The following TMEM182 variants were observed in gnomAD, a reference collection of about 807,000 sequenced individuals.
TMEM182 encodes the protein transmembrane protein 182.
In TMEM182, 20 loss-of-function variants were observed where a neutral mutation model predicts 26.8. The ratio of observed to expected loss-of-function variants is 0.75; its 90% CI spans 0.53 to 1.09. The LOEUF is 1.09. Ranked by LOEUF, TMEM182 falls within the 50% of genes least tolerant of loss-of-function variation. TMEM182 has a pLI of 0.00. For synonymous variants in TMEM182, 109 were observed against 102.2 expected (o/e 1.07, Z -0.40); for missense variants, 277 against 275.5 (o/e 1.01, Z -0.04).
intron 3 of TMEM182, among the ~76,000 whole-genome samples, chr2:102,787,450 A>G (rs1372261558): frequency 1.3e-5 from 2 of 152,122 alleles, no homozygotes; most frequent in East Asian, 3.8e-4. Context: ...ACCTCATCTA[A>G]ATTTATTTAC....
Position 102,815,019 on chromosome 2 carries a change from C to T in TMEM182, c.*51C>T, listed in dbSNP as rs762016914. The T allele has an allele frequency of 1.9e-6, 3 of 1,595,562 alleles. No homozygotes were observed. Among genetic ancestry groups the T allele is most frequent in the South Asian group, 1.1e-5 (1 of 88,384 alleles). On this transcript the variant is annotated 3_prime_UTR_variant, in exon 5 of 5. Transcript: ENST00000412401. ...TTGAGAGATTTTAAAACAAGGAATA[C>T]TTTTTTTCCATTTTGTTTCATTGAT...
chr2:102,833,949 A>T (rs1683195982), intron 3 of TMEM182, among the ~76,000 whole-genome samples: 2 of 152,200 alleles, frequency 1.3e-5, no homozygotes, highest in African/African-American at 2.4e-5. Flanking sequence ...GATTCTATTG[A>T]TTAAGATGAG....
chr2:102,794,750 A>G (rs1454629715), intron 3 of TMEM182, among the ~76,000 whole-genome samples: 1 of 151,838 alleles, frequency 6.6e-6, no homozygotes, highest in Non-Finnish European at 1.5e-5. Flanking sequence ...GTTTTTGGTA[A>G]TTTTATTATT....
rs753840754 is a variant in TMEM182, at chr2:102,817,094, A to T, written c.*2126A>T. The T allele has an allele frequency of 1.0e-6, 1 of 985,322 alleles. No individual in the cohort carries two copies. The highest frequency in any genetic ancestry group is 1.2e-6 in the Non-Finnish European group (1 of 829,938). 61.0% of individuals were successfully genotyped at this position (985,322 alleles called of 1,614,324 possible). The stretch of plus-strand genomic sequence containing the variant: ...ACATTTCTTGATCAATTTACCAGCA[A>T]CCCTCTGAAGGAATGAAGGAGAGTT... On this transcript the variant is annotated 3_prime_UTR_variant, in exon 5 of 5. Transcript: ENST00000412401.
intron 3 of TMEM182, among the ~76,000 whole-genome samples, chr2:102,840,951 T>G (rs1683338052): frequency 6.6e-6 from 1 of 152,226 alleles, no homozygotes; most frequent in Non-Finnish European, 1.5e-5. Context: ...TGCCGTTTAT[T>G]TCTAAAACAT....
intron 3 of TMEM182, among the ~76,000 whole-genome samples, chr2:102,842,033 A>G (rs1025673893): frequency 6.6e-6 from 1 of 152,182 alleles, no homozygotes; most frequent in Non-Finnish European, 1.5e-5. Flanking sequence ...AGATTTCATT[A>G]TCGTTCTAAT....
intron 1 of TMEM182, among the ~76,000 whole-genome samples, chr2:102,752,494 C>T (rs1233998670): frequency 1.3e-5 from 2 of 152,204 alleles, no homozygotes; most frequent in Non-Finnish European, 2.9e-5. Context: ...GAATCTGTGG[C>T]AGCACCTTCA....
In TMEM182 at chr2:102,815,474, C is replaced by A; in HGVS notation, c.*506C>A. 1 of 988,286 alleles carries A rather than the reference C, an allele frequency of 1.0e-6. No homozygotes were observed. The highest frequency in any genetic ancestry group is 1.2e-6 in the Non-Finnish European group (1 of 832,034). 61.2% of individuals were successfully genotyped at this position (988,286 alleles called of 1,614,324 possible). The stretch of plus-strand genomic sequence containing the variant: ...AGCAAATGAATTTAAAAATAGACAG[C>A]AGTTGTTCTAATTAGTGGGAGCCAT... On this transcript the variant is annotated 3_prime_UTR_variant, in exon 5 of 5. Coordinates refer to ENST00000412401, the MANE Select transcript of TMEM182 (RefSeq NM_144632.5).
intron 3 of TMEM182, among the ~76,000 whole-genome samples, chr2:102,830,787 G>T (rs1683135251): frequency 6.6e-6 from 1 of 152,002 alleles, no homozygotes; most frequent in African/African-American, 2.4e-5. Flanking sequence ...AGTAGGTCTT[G>T]TTCATTCTTT....
In TMEM182 at chr2:102,762,074, G is replaced by A; in HGVS notation, c.-144G>A. The A allele has an allele frequency of 4.3e-6, 3 of 693,852 alleles. No individual in the cohort carries two copies. The highest frequency in any genetic ancestry group is 3.0e-5 in the Admixed American group (1 of 33,272). 43.0% of individuals were successfully genotyped at this position (693,852 alleles called of 1,614,324 possible). ...TGAGCGAGAAGCCACCAAAACATGA[G>A]CTAGGACAGCCTTCTCAAGAAGATT... On this transcript the variant is annotated 5_prime_UTR_variant, in exon 1 of 5. Coordinates refer to ENST00000412401, the MANE Select transcript of TMEM182 (RefSeq NM_144632.5).
upstream of TMEM182, among the ~76,000 whole-genome samples, chr2:102,759,823 T>C (rs1335332384): frequency 6.6e-6 from 1 of 152,158 alleles, no homozygotes; most frequent in Non-Finnish European, 1.5e-5. Context: ...CTATATTCCT[T>C]GGCTTGTGGT....
At chr2:102,783,326 G>A (rs530352053) in intron 3 of TMEM182, among the ~76,000 whole-genome samples, 71 of 152,312 alleles carry the variant, frequency 4.7e-4, no homozygotes, top group African/African-American at 1.7e-3. Flanking sequence ...AATGTATGCA[G>A]TTCATTATCA....
chr2:102,738,725 C>A (rs987509503), intron 1 of TMEM182, among the ~76,000 whole-genome samples: 2 of 152,222 alleles, frequency 1.3e-5, no homozygotes, highest in Non-Finnish European at 2.9e-5. Context: ...AGGCAGAATT[C>A]ACTAGTATAG....
At chr2:102,841,539 C>A (rs905405815) in intron 3 of TMEM182, among the ~76,000 whole-genome samples, 2 of 152,186 alleles carry the variant, frequency 1.3e-5, no homozygotes, top group African/African-American at 2.4e-5. Flanking sequence ...ACAGGCTCCG[C>A]AGCAATGACA....
chr2:102,826,393 G>T (rs1320913006), intron 3 of TMEM182, among the ~76,000 whole-genome samples: 4 of 151,178 alleles, frequency 2.6e-5, no homozygotes, highest in Non-Finnish European at 5.9e-5. Context: ...GGTCCCTGGA[G>T]AGTGAGAGAT....
At chr2:102,841,906 GC>G (rs751082044) in intron 3 of TMEM182, among the ~76,000 whole-genome samples, 2 of 152,106 alleles carry the variant, frequency 1.3e-5, no homozygotes, top group Non-Finnish European at 2.9e-5. Context: ...ATAATTTAGA[GC>G]TCTGAGACTC....
chr2:102,813,780 A>G (rs1028123322), intron 4 of TMEM182, among the ~76,000 whole-genome samples: 1 of 152,102 alleles, frequency 6.6e-6, no homozygotes, highest in Non-Finnish European at 1.5e-5. Flanking sequence ...AAACTGTAAT[A>G]CTTCATCTAA....
intron 4 of TMEM182, among the ~76,000 whole-genome samples, chr2:102,803,815 A>ACTGCC (rs1682241609): frequency 6.6e-6 from 1 of 152,110 alleles, no homozygotes; most frequent in Non-Finnish European, 1.5e-5. Flanking sequence ...CTTAGGAAGA[A>ACTGCC]CTGCCGACAG....
chr2:102,775,411 G>A (rs1279386974), intron 3 of TMEM182: 2 of 152,294 alleles, frequency 1.3e-5, no homozygotes, highest in African/African-American at 4.8e-5. Context: ...AGCTATCTAT[G>A]ACAAACCCAC....
Sources: allele counts gnomAD v4.1 joint callset (sites outside exome capture counted in the v4.1 genomes callset), GRCh38; gene constraint gnomAD v4.1.1; transcripts MANE v1.5; gene names NCBI Gene and HGNC (gene_info 2026-07-23, HGNC 2026-07-21).